The following AMPD3 variants were observed in gnomAD, a reference collection of about 807,000 sequenced individuals.
AMPD3 encodes the protein AMP deaminase 3.
Under a neutral mutation model 82.3 loss-of-function variants are expected in AMPD3, and 57 were observed. That is an observed-to-expected ratio of 0.69 (90% confidence interval 0.56 to 0.86). The LOEUF (loss-of-function observed/expected upper bound fraction) is 0.86. Ranked by LOEUF, AMPD3 falls within the 40% of genes least tolerant of loss-of-function variation. AMPD3 has a pLI of 0.00. For synonymous variants in AMPD3, 381 were observed against 394.7 expected (o/e 0.97, Z 0.41); for missense variants, 870 against 1,003.8 (o/e 0.87, Z 1.80).
At chr11:10,501,441 T>G (rs572745720) in intron 11 of AMPD3, 29 bp from the exon 12 acceptor site, 7 of 1,611,198 alleles carry the variant, frequency 4.3e-6, no homozygotes, top group Non-Finnish European at 5.9e-6. Flanking sequence ...GGGGGGGCCT[T>G]CCTGATTCGG....
Position 10,493,426 on chromosome 11 carries a change from G to C in AMPD3, c.1017G>C (p.Thr339=), listed in dbSNP as rs139737164. ...LLRFIKHTYQ[T]EPDRTVAEKR... is the part of the protein sequence containing the mutation. ...GCTTCATCAAGCACACATACCAGAC[G>C]GAGCCTGACAGGACTGTGGCAGAGA... Residue 339 remains threonine (T), a synonymous_variant, in exon 7 of 15, where the codon ACG becomes ACC. Transcript: ENST00000396553. 2 of 1,614,216 alleles carry C rather than the reference G, an allele frequency of 1.2e-6. No individual in the cohort carries two copies. The highest frequency in any genetic ancestry group is 4.5e-5 in the East Asian group (2 of 44,882).
chr11:10,502,838 A>G lies in AMPD3; in HGVS notation c.1960A>G (p.Lys654Glu), dbSNP rs761053041. The change falls in exon 13 of 15, where the codon AAG becomes GAG. Residue 654 changes from lysine to glutamate, a missense_variant. By Grantham distance (56) the Lys-to-Glu change is moderately conservative. Coordinates refer to ENST00000396553, the MANE Select transcript of AMPD3 (RefSeq NM_001025389.2). ...SKNPLREFLH[K>E]GLHVSLSTDD... ...GAACCCTCTGAGGGAATTCCTACACAAGGGACTGCATGTTTCTCTTTCCAC... is the reference window on the plus strand; with the variant it reads ...GAACCCTCTGAGGGAATTCCTACACGAGGGACTGCATGTTTCTCTTTCCAC... The G allele has an allele frequency of 9.3e-6, 15 of 1,614,150 alleles. No homozygotes were observed. Among genetic ancestry groups the G allele is most frequent in the Non-Finnish European group, 1.1e-5 (13 of 1,180,022 alleles).
chr11:10,479,129 G>C (rs1170565750), intron 3 of AMPD3, among the ~76,000 whole-genome samples: 1 of 152,166 alleles, frequency 6.6e-6, no homozygotes, highest in Non-Finnish European at 1.5e-5. Context: ...ATTAGTTGTT[G>C]CTAAATCATC....
At chr11:10,464,491 C>T (rs144482549) in intron 2 of AMPD3, among the ~76,000 whole-genome samples, 4 of 152,268 alleles carry the variant, frequency 2.6e-5, no homozygotes, top group African/African-American at 7.2e-5. Context: ...GTGGAGTCTT[C>T]GGTTCCCTGG....
At position 10,482,270 on chromosome 11, in the gene AMPD3, C is replaced by T. The variant is rs541933449; in HGVS notation, c.589+45C>T. ...GGTTGGGTCCCAAGTGTGGGCAGAC[C>T]GAGAGCTAGTCAGGGCTTTTTTCTG... On this transcript the variant is annotated intron_variant, in intron 4 of 14. Coordinates refer to ENST00000396553, the MANE Select transcript of AMPD3 (RefSeq NM_001025389.2). The T allele has an allele frequency of 4.7e-5, 76 of 1,601,358 alleles. No homozygotes were observed. In the East Asian group the frequency reaches 8.5e-4, roughly 18 times the overall value.
rs74967248 is a variant in AMPD3, at chr11:10,504,673, C to T, written c.2127+14C>T. ...CTCTCGCATCAGGTATGGAGTGTGA[C>T]GGTGCTGCCTGTGTCCCTCCTGGGA... On this transcript the variant is annotated intron_variant, in intron 14 of 14. Transcript: ENST00000396553. 28 of 1,611,116 alleles carry T rather than the reference C, an allele frequency of 1.7e-5. No individual in the cohort carries two copies. The highest frequency in any genetic ancestry group is 1.1e-4 in the African/African-American group (8 of 74,852).
In AMPD3 at chr11:10,504,636, C is replaced by T. The variant is rs1181855276; in HGVS notation, c.2104C>T (p.Leu702=). ...GTGTGAGATCGCCAGGAACAGCGTG[C>T]TGCAGAGCGGCCTCTCGCATCAGGT... ...DLCEIARNSV[L]QSGLSHQEKQ... The change falls in exon 14 of 15, where the codon CTG becomes TTG. Residue 702 remains leucine, a synonymous_variant. Coordinates refer to ENST00000396553, the MANE Select transcript of AMPD3 (RefSeq NM_001025389.2). 2 of 1,614,192 alleles carry T rather than the reference C, an allele frequency of 1.2e-6. No homozygotes were observed. The highest frequency in any genetic ancestry group is 3.3e-5 in the Admixed American group (2 of 60,032).
intron 2 of AMPD3, chr11:10,473,394 T>C (rs1489889107): frequency 2.4e-5 from 24 of 984,946 alleles, no homozygotes; most frequent in Non-Finnish European, 2.8e-5. Context: ...CTGGGAAGGA[T>C]TGAGGAAGGG....
chr11:10,469,764 G>T (rs1591449736), intron 2 of AMPD3, among the ~76,000 whole-genome samples: 1 of 152,188 alleles, frequency 6.6e-6, no homozygotes, highest in African/African-American at 2.4e-5. Flanking sequence ...CTTCGGCCGG[G>T]CGCGGTGGCT....
intron 3 of AMPD3, chr11:10,479,947 C>G (rs910640879): frequency 5.1e-6 from 5 of 985,294 alleles, no homozygotes; most frequent in Non-Finnish European, 6.0e-6. Context: ...GACCATGAGT[C>G]TTTGGTGTTC....
chr11:10,487,761 G>A (rs1849117644), intron 6 of AMPD3, among the ~76,000 whole-genome samples: 1 of 152,104 alleles, frequency 6.6e-6, no homozygotes, highest in African/African-American at 2.4e-5. Context: ...TCCCCTCCTT[G>A]TGTCCATGTG....
intron 3 of AMPD3, 85 bp from the exon 4 acceptor site, chr11:10,481,978 G>A: frequency 6.4e-7 from 1 of 1,564,810 alleles, no homozygotes; most frequent in African/African-American, 1.4e-5. Context: ...ACCAGGCAAG[G>A]GCCAATCTTG....
At chr11:10,496,157 C>T in intron 9 of AMPD3, 4 of 893,368 alleles carry the variant, frequency 4.5e-6, no homozygotes, top group Non-Finnish European at 5.4e-6. Flanking sequence ...CCTCGTGATC[C>T]ACCTGCCTCA....
intron 13 of AMPD3, chr11:10,504,078 T>A: frequency 1.1e-6 from 1 of 951,224 alleles, no homozygotes; most frequent in Non-Finnish European, 1.3e-6. Context: ...TTCTCATTTT[T>A]TTTTTGATGT....
chr11:10,478,010 TG>T, intron 2 of AMPD3: 1 of 985,450 alleles, frequency 1.0e-6, no homozygotes, highest in Non-Finnish European at 1.2e-6. Flanking sequence ...CTCTCTCTTC[TG>T]GCTCCAATGC....
intron 2 of AMPD3, among the ~76,000 whole-genome samples, chr11:10,471,748 T>C (rs1848597811): frequency 6.6e-6 from 1 of 152,222 alleles, no homozygotes; most frequent in Admixed American, 6.5e-5. Context: ...CACAATGAGA[T>C]ACCATCTCAC....
rs1004699935 is a variant in AMPD3, at chr11:10,483,539, T to A, written c.590-1281T>A. On this transcript the variant is annotated intron_variant, in intron 4 of 14. Transcript: ENST00000396553. ...CAGACAGAAATGACTGTCAAATGTGTACTTTACATGGACAGAGGACCCCTG... is the reference window on the plus strand; with the variant it reads ...CAGACAGAAATGACTGTCAAATGTGAACTTTACATGGACAGAGGACCCCTG... Among the ~76,000 whole-genome samples, 3 of 152,222 alleles carry A rather than the reference T, an allele frequency of 2.0e-5. No individual in the cohort carries two copies. The East Asian group carries it at 5.8e-4, about 29-fold the overall frequency.
rs1328012958 is a variant in AMPD3, at chr11:10,481,401, G to GAAA, written c.427-662_427-661insAAA. 11 of 983,028 alleles carry GAAA rather than the reference G, an allele frequency of 1.1e-5. No individual in the cohort carries two copies. In the South Asian group the frequency reaches 5.2e-4, roughly 47 times the overall value. The allele number at this position is 983,028 out of a possible 1,614,324, so 60.9% of individuals were successfully genotyped here. A position where few individuals can be genotyped will look rare whatever the true frequency, so the allele number is the denominator to read the frequency against. On this transcript the variant is annotated intron_variant, in intron 3 of 14. Coordinates refer to ENST00000396553, the MANE Select transcript of AMPD3 (RefSeq NM_001025389.2). ...TCAGGCTTTGTCCCTCCATGGGCCTGGTACAAAAACAGACTTTTGGCTTAA... is the reference window on the plus strand; with the variant it reads ...TCAGGCTTTGTCCCTCCATGGGCCTGAAAGTACAAAAACAGACTTTTGGCTTAA...
At chr11:10,481,895 A>G in intron 3 of AMPD3, 168 bp from the exon 4 acceptor site, 1 of 778,848 alleles carries the variant, frequency 1.3e-6, no homozygotes, top group Non-Finnish European at 2.2e-6. Context: ...TTGTACAAGT[A>G]GTTTAGGTGC....
Sources: allele counts gnomAD v4.1 joint callset (sites outside exome capture counted in the v4.1 genomes callset), GRCh38; gene constraint gnomAD v4.1.1; transcripts MANE v1.5; gene names NCBI Gene and HGNC (gene_info 2026-07-23, HGNC 2026-07-21).